Variants in VPS53 observed in about 807,000 individuals in gnomAD.
The protein encoded by VPS53 is vacuolar protein sorting-associated protein 53 homolog.
A neutral mutation model predicts 107.0 loss-of-function variants in VPS53; 70 were observed. The ratio of observed to expected loss-of-function variants is 0.65; its 90% CI spans 0.54 to 0.80. The LOEUF is 0.80. Among genes scored for constraint, VPS53 ranks in the 30% least tolerant of loss-of-function variants. The pLI is 0.00. For synonymous variants in VPS53, 409 were observed against 393.3 expected (o/e 1.04, Z -0.47); for missense variants, 917 against 1,049.4 (o/e 0.87, Z 1.74).
chr17:709,136 C>A (rs1283324280), intron 2 of VPS53, among the ~76,000 whole-genome samples: 1 of 152,152 alleles, frequency 6.6e-6, no homozygotes, highest in Non-Finnish European at 1.5e-5. Context: ...ATTTAAAGGA[C>A]CCTCCGCAGC....
chr17:678,189 GC>G (rs1204187346), intron 4 of VPS53, among the ~76,000 whole-genome samples: 1 of 152,146 alleles, frequency 6.6e-6, no homozygotes, highest in African/African-American at 2.4e-5. Flanking sequence ...GTCAAATGAG[GC>G]AGGCGGACTG....
At chr17:550,675 C>T (rs1911735273) in intron 17 of VPS53, among the ~76,000 whole-genome samples, 1 of 152,118 alleles carries the variant, frequency 6.6e-6, no homozygotes, top group African/African-American at 2.4e-5. Context: ...AAATGAATCT[C>T]CCATATTCAA....
intron 17 of VPS53, among the ~76,000 whole-genome samples, chr17:550,972 C>A (rs1047208130): frequency 1.3e-5 from 2 of 152,160 alleles, no homozygotes; most frequent in Non-Finnish European, 2.9e-5. Context: ...AAGAATGAGT[C>A]AGAAGTTACT....
At chr17:623,792 C>T in intron 10 of VPS53, 118 bp from the exon 11 acceptor site, 1 of 1,142,292 alleles carries the variant, frequency 8.8e-7, no homozygotes, top group Non-Finnish European at 1.2e-6. Context: ...CATTTCAAAC[C>T]CTGAGGTCTG....
intron 5 of VPS53, chr17:656,731 T>TGTGTG: frequency 1.8e-4 from 126 of 706,020 alleles, no homozygotes; most frequent in Admixed American, 2.9e-4. Context: ...TGTGTGTGTG[T>TGTGTG]TTTATCATGC....
intron 1 of VPS53, among the ~76,000 whole-genome samples, chr17:712,960 G>A (rs2144041041): frequency 6.6e-6 from 1 of 152,202 alleles, no homozygotes; most frequent in East Asian, 1.9e-4. Flanking sequence ...CGTGTGGCCG[G>A]AACACTAAAA....
intron 12 of VPS53, among the ~76,000 whole-genome samples, chr17:590,100 G>C (rs1415628363): frequency 6.6e-6 from 1 of 152,108 alleles, no homozygotes; most frequent in East Asian, 1.9e-4. Flanking sequence ...CACATCCCTT[G>C]TAAGTTGGAT....
intron 4 of VPS53, chr17:673,818 T>C (rs1972056025): frequency 6.6e-6 from 1 of 152,264 alleles, no homozygotes; most frequent in South Asian, 2.1e-4. Context: ...TTCTGTTCCA[T>C]GTAAGTTACT....
At chr17:523,104 C>T (rs774230533) in intron 19 of VPS53, 1 of 152,630 alleles carries the variant, frequency 6.6e-6, no homozygotes. Context: ...ATTCCATTTC[C>T]GGTTGCCCAG....
intron 4 of VPS53, among the ~76,000 whole-genome samples, chr17:669,233 C>T (rs575540016): frequency 3.3e-5 from 5 of 152,206 alleles, no homozygotes; most frequent in Admixed American, 1.3e-4. Flanking sequence ...ACCTTCACTA[C>T]CTGGCTAATC....
At chr17:588,064 T>C (rs1456954301) in intron 12 of VPS53, among the ~76,000 whole-genome samples, 1 of 152,178 alleles carries the variant, frequency 6.6e-6, no homozygotes, top group Non-Finnish European at 1.5e-5. Context: ...ACGCCTGTAA[T>C]CCCAGCACTT....
intron 15 of VPS53, among the ~76,000 whole-genome samples, chr17:559,199 C>A (rs1912718124): frequency 1.3e-5 from 2 of 152,048 alleles, no homozygotes; most frequent in South Asian, 4.2e-4. Context: ...ACATTCAAAA[C>A]TATGTCTATG....
rs1238074079 is a variant in VPS53 at position 515,625 on chromosome 17, C to G, written c.*3503G>C. On this transcript the variant is annotated 3_prime_UTR_variant, in exon 22 of 22. Transcript: ENST00000437048. ...CTTCCCACCTCAGCCTCTCAAAGCACTGGCATTACAGGTGTGATGCCACAG... is the reference window on the plus strand; with the variant it reads ...CTTCCCACCTCAGCCTCTCAAAGCAGTGGCATTACAGGTGTGATGCCACAG... 4 of 152,188 alleles carry G rather than the reference C, an allele frequency of 2.6e-5. No homozygotes were observed. Among genetic ancestry groups the G allele is most frequent in the African/African-American group, 9.7e-5 (4 of 41,430 alleles). The allele number at this position is 152,188 out of a possible 1,614,324, so 9.4% of individuals were successfully genotyped here. A position where few individuals can be genotyped will look rare whatever the true frequency, so the allele number is the denominator to read the frequency against.
At chr17:561,494 C>T (rs1482229361) in intron 14 of VPS53, among the ~76,000 whole-genome samples, 1 of 152,214 alleles carries the variant, frequency 6.6e-6, no homozygotes, top group Admixed American at 6.5e-5. Flanking sequence ...AAGCTATAAG[C>T]AGTATAGCCC....
intron 13 of VPS53, among the ~76,000 whole-genome samples, chr17:566,838 G>A (rs1387634802): frequency 6.6e-6 from 1 of 151,968 alleles, no homozygotes; most frequent in Non-Finnish European, 1.5e-5. Context: ...CTGCCTCCCG[G>A]GTTCAAGTGA....
chr17:677,778 T>C (rs1320895454), intron 4 of VPS53, among the ~76,000 whole-genome samples: 1 of 152,038 alleles, frequency 6.6e-6, no homozygotes, highest in African/African-American at 2.4e-5. Flanking sequence ...AAATGAAATT[T>C]AATAAAATTT....
intron 11 of VPS53, among the ~76,000 whole-genome samples, chr17:611,501 G>A (rs975523154): frequency 2.0e-5 from 3 of 152,184 alleles, no homozygotes; most frequent in Non-Finnish European, 4.4e-5. Context: ...ATGTAAAACC[G>A]TGTGGCTGCT....
At chr17:528,579 C>T (rs1384907821) in intron 19 of VPS53, among the ~76,000 whole-genome samples, 1 of 144,228 alleles carries the variant, frequency 6.9e-6, no homozygotes, top group Non-Finnish European at 1.5e-5. Flanking sequence ...TGTGTGAACA[C>T]ATTTTTTTTT....
chr17:551,304 T>C (rs1000187846), intron 17 of VPS53, among the ~76,000 whole-genome samples: 2 of 151,992 alleles, frequency 1.3e-5, no homozygotes, highest in African/African-American at 4.8e-5. Context: ...CTGTGGCTCA[T>C]GCCTGTAATC....
Sources: allele counts gnomAD v4.1 joint callset (sites outside exome capture counted in the v4.1 genomes callset), GRCh38; gene constraint gnomAD v4.1.1; transcripts MANE v1.5; gene names NCBI Gene and HGNC (gene_info 2026-07-23, HGNC 2026-07-21).